The following RAI1 variants were observed in gnomAD, a reference collection of about 807,000 sequenced individuals.
RAI1 encodes retinoic acid-induced protein 1.
Under a neutral mutation model 123.8 loss-of-function variants are expected in RAI1, and 9 were observed. That is an observed-to-expected ratio of 0.07 (90% CI 0.04 to 0.13). The LOEUF (loss-of-function observed/expected upper bound fraction) is 0.13. Ranked by LOEUF, RAI1 falls within the 10% of genes least tolerant of loss-of-function variation. RAI1 has a pLI of 1.00. For missense variants in RAI1, 2,256 were observed against 2,545.8 expected, an observed-to-expected ratio of 0.89 and a Z score of 2.45; for synonymous variants, 1,231 against 1,127.3, an observed-to-expected ratio of 1.09 and a Z score of -1.84.
rs2032267431 is a variant in RAI1 at position 17,796,694 on chromosome 17, G to A, written c.3746G>A (p.Ser1249Asn). The A allele has an allele frequency of 8.1e-6, 13 of 1,613,210 alleles. No homozygotes were observed. Among genetic ancestry groups the A allele is most frequent in the Non-Finnish European group, 1.1e-5 (13 of 1,179,684 alleles). Residue 1249 changes from serine to asparagine, a missense_variant, in exon 3 of 6, where the codon AGC becomes AAC. Ser to Asn is a conservative substitution (Grantham distance 46, BLOSUM62 1). Coordinates refer to ENST00000353383, the MANE Select transcript of RAI1 (RefSeq NM_030665.4). The surrounding 1 kb of genome is among the most constrained non-coding windows in gnomAD (Gnocchi z 5.8). ...LVLRSRSSSS[S>N]NASGNGGDGK... The stretch of plus-strand genomic sequence containing the variant: ...TTGCGGAGCCGCAGCAGCAGCAGCA[G>A]CAACGCCAGTGGCAATGGGGGAGAT...
intron 2 of RAI1, among the ~76,000 whole-genome samples, chr17:17,728,804 A>C (rs899217040): frequency 6.6e-6 from 1 of 152,120 alleles, no homozygotes; most frequent in African/African-American, 2.4e-5. Flanking sequence ...AGGAGTTGGG[A>C]GCCCCAGATT....
Position 17,794,464 on chromosome 17 carries a change from C to G in RAI1, c.1516C>G (p.Gln506Glu). 2 of 1,612,344 alleles carry G rather than the reference C, an allele frequency of 1.2e-6. No homozygotes were observed. Among genetic ancestry groups the G allele is most frequent in the Non-Finnish European group, 1.7e-6 (2 of 1,179,660 alleles). The change falls in exon 3 of 6, where the codon CAG becomes GAG. Residue 506 changes from glutamine (Q) to glutamate (E), a missense_variant. Physicochemically the swap from Gln to Glu is conservative, Grantham distance 29 (BLOSUM62 2). Around this residue, in one of 7 missense-constraint regions of RAI1, gnomAD observed 357 missense variants for 480.2 expected, o/e 0.74. Transcript: ENST00000353383. Reference sequence around the variant, plus strand: ...GTCAGAGCCGCCGAGCAGCACGCCACAGTCCACGCATGCGGAGCCGCAGGA... The same window carrying G: ...GTCAGAGCCGCCGAGCAGCACGCCAGAGTCCACGCATGCGGAGCCGCAGGA... ...PLSEPPSSTP[Q>E]STHAEPQEAD...
chr17:17,783,898 C>T (rs1374438236), intron 2 of RAI1, among the ~76,000 whole-genome samples: 1 of 152,132 alleles, frequency 6.6e-6, no homozygotes, highest in Non-Finnish European at 1.5e-5. Flanking sequence ...AGTCAGCTTG[C>T]CAACTGGAAA....
intron 2 of RAI1, among the ~76,000 whole-genome samples, chr17:17,744,957 G>A (rs1916774161): frequency 6.6e-6 from 1 of 152,116 alleles, no homozygotes; most frequent in African/African-American, 2.4e-5. Context: ...TGTACCTACT[G>A]TGTGCTGAAC....
At chr17:17,785,668 C>CTGCACCTCCTTTCCAAGGCCGCTGAG (rs1372895349) in intron 2 of RAI1, among the ~76,000 whole-genome samples, 2 of 152,230 alleles carry the variant, frequency 1.3e-5, no homozygotes, top group African/African-American at 2.4e-5. Flanking sequence ...CCCCTCCTCT[C>CTGCACCTCCTTTCCAAGGCCGCTGAG]TGCACCTCCT....
intron 2 of RAI1, among the ~76,000 whole-genome samples, chr17:17,734,560 C>A (rs1171840966): frequency 6.6e-6 from 1 of 152,246 alleles, no homozygotes; most frequent in Non-Finnish European, 1.5e-5. Context: ...CAGGGCTAAC[C>A]AAGGCCGCTG....
intron 2 of RAI1, among the ~76,000 whole-genome samples, chr17:17,756,445 C>T (rs983585792): frequency 6.6e-6 from 1 of 152,138 alleles, no homozygotes; most frequent in African/African-American, 2.4e-5. Context: ...GATCCACCTG[C>T]CTCTGCCTCC....
chr17:17,682,801 C>T (rs1431964981), intron 1 of RAI1, among the ~76,000 whole-genome samples: 1 of 152,032 alleles, frequency 6.6e-6, no homozygotes, highest in Non-Finnish European at 1.5e-5. Context: ...CACGCAGGGG[C>T]CGGAGTGCGG....
intron 4 of RAI1, among the ~76,000 whole-genome samples, chr17:17,807,156 G>A (rs777037019): frequency 1.1e-4 from 16 of 151,960 alleles, no homozygotes; most frequent in South Asian, 4.2e-4. Flanking sequence ...CAGAGAAGGC[G>A]AGGGAGAACA....
intron 2 of RAI1, among the ~76,000 whole-genome samples, chr17:17,735,242 T>A (rs1489668216): frequency 1.3e-5 from 2 of 149,988 alleles, no homozygotes; most frequent in African/African-American, 4.9e-5. Flanking sequence ...TTGGTAGAGA[T>A]GGGGTTTCAC....
In RAI1 at chr17:17,745,405, T is replaced by TTGTG. The variant is rs112938506; in HGVS notation, c.-17+21268_-17+21271dup. ...TAAGTCAGGGAGCCATTGAAGGCTT[T>TTGTG]TGTGTGTGTGTGTGTGTGTGTGTGT... is the stretch of plus-strand genomic sequence containing the variant. On this transcript the variant is annotated intron_variant, in intron 2 of 5. Transcript: ENST00000353383. 3.2e-3 allele frequency among the ~76,000 whole-genome samples: 472 copies of TTGTG among 147,732 alleles called. 3 individuals carry two copies. Among genetic ancestry groups the TTGTG allele is most frequent in the Middle Eastern group, 0.014 (4 of 282 alleles).
intron 1 of RAI1, among the ~76,000 whole-genome samples, chr17:17,715,231 C>T (rs994196071): frequency 3.3e-5 from 5 of 152,250 alleles, no homozygotes; most frequent in African/African-American, 1.2e-4. Flanking sequence ...CTGCCTGTTT[C>T]CTCTGCACTG....
intron 1 of RAI1, among the ~76,000 whole-genome samples, chr17:17,687,118 G>T (rs111334234): frequency 6.6e-6 from 1 of 152,102 alleles, no homozygotes; most frequent in East Asian, 1.9e-4. Context: ...AAGTAGCTGG[G>T]ATTACAGGCG....
At chr17:17,798,898 C>T (rs1201087423) in intron 3 of RAI1, among the ~76,000 whole-genome samples, 1 of 152,218 alleles carries the variant, frequency 6.6e-6, no homozygotes, top group Admixed American at 6.5e-5. Flanking sequence ...ATCAGGGCTG[C>T]CCCGGGCGGT....
intron 2 of RAI1, among the ~76,000 whole-genome samples, chr17:17,725,093 T>C (rs935123826): frequency 7.0e-6 from 1 of 143,786 alleles, no homozygotes; most frequent in South Asian, 2.2e-4. Flanking sequence ...TTGTTTTGGT[T>C]AGAGACGTCG....
chr17:17,722,744 T>C (rs898853139), intron 1 of RAI1, among the ~76,000 whole-genome samples: 1 of 152,188 alleles, frequency 6.6e-6, no homozygotes, highest in Non-Finnish European at 1.5e-5. Flanking sequence ...AACCCTGTGC[T>C]TCTAGGACCG....
intron 2 of RAI1, among the ~76,000 whole-genome samples, chr17:17,761,883 G>C (rs529344338): frequency 6.6e-5 from 10 of 152,136 alleles, no homozygotes; most frequent in African/African-American, 9.7e-5. Context: ...GAGGGCAGGT[G>C]GGGGGATGGA....
In RAI1 at chr17:17,685,491, A is replaced by T. The variant is rs557769821; in HGVS notation, c.-149+3698A>T. On this transcript the variant is annotated intron_variant, in intron 1 of 5. Transcript: ENST00000353383. The surrounding 1 kb of genome is among the most constrained non-coding windows in gnomAD (Gnocchi z 4.0). Reference sequence around the variant, plus strand: ...TGAGAGGAGCATTCCTGGCAGAGGGAACACAGTGAGCAGAGCGAGTCTTTG... The same window carrying T: ...TGAGAGGAGCATTCCTGGCAGAGGGTACACAGTGAGCAGAGCGAGTCTTTG... Among the ~76,000 whole-genome samples the T allele has an allele frequency of 6.6e-6, 1 of 152,296 alleles. No homozygotes were observed. The highest frequency in any genetic ancestry group is 1.9e-4 in the East Asian group (1 of 5,184).
At chr17:17,708,984 T>C (rs1034021152) in intron 1 of RAI1, among the ~76,000 whole-genome samples, 3 of 152,178 alleles carry the variant, frequency 2.0e-5, no homozygotes, top group Middle Eastern at 3.2e-3. Context: ...GCCTTTCCTA[T>C]CCTCAGTTGC....
Sources: gnomAD v4.1 joint callset for allele counts (sites outside exome capture counted in the v4.1 genomes callset) on GRCh38, gnomAD v4.1.1 for gene constraint, gnomAD v4.1.1 regional missense constraint, Gnocchi (gnomAD v3.1) non-coding constraint, MANE v1.5 for transcripts, NCBI Gene and HGNC (gene_info 2026-07-23, HGNC 2026-07-21) for gene names.